MINK1: variants seen among roughly 807,000 people sequenced by gnomAD.
MINK1 encodes the protein misshapen like kinase 1.
Under a neutral mutation model 178.4 loss-of-function variants are expected in MINK1, and 46 were observed. That is an observed-to-expected ratio of 0.26 (90% CI 0.20 to 0.33). The LOEUF (loss-of-function observed/expected upper bound fraction) is 0.33. Ranked by LOEUF, MINK1 falls within the 10% of genes least tolerant of loss-of-function variation. The pLI is 1.00. For missense variants in MINK1, 1,366 were observed against 1,814.9 expected (o/e 0.75, Z 4.49); for synonymous variants, 797 against 709.7 (o/e 1.12, Z -1.96).
chr17:4,871,080 T>C (rs1434362752), intron 1 of MINK1: 7 of 371,360 alleles, frequency 1.9e-5, no homozygotes, highest in South Asian at 1.3e-4. Context: ...ATATGTGGCC[T>C]TTTGTGACTA....
intron 4 of MINK1, among the ~76,000 whole-genome samples, 187 bp from the exon 5 acceptor site, chr17:4,884,176 C>G (rs1597525240): frequency 6.6e-6 from 1 of 152,024 alleles, no homozygotes; most frequent in East Asian, 1.9e-4. Context: ...CTTTTTCCCT[C>G]TCTGTCTTGA....
chr17:4,833,428 G>T lies in MINK1; in HGVS notation c.-156G>T. On this transcript the variant is annotated 5_prime_UTR_variant, in exon 1 of 32. Transcript: ENST00000355280. This position sits in a 1 kb window ranked among gnomAD's most constrained non-coding sequence, Gnocchi z 4.8. ...GATAGCGCCTGTCAGTCGGTGGGTC[G>T]GTCCTCGCGCCGGCCCTCCCCCTCC... 1.7e-6 allele frequency: 1 copy of T among 573,236 alleles called. No individual in the cohort carries two copies. Among genetic ancestry groups the T allele is most frequent in the Non-Finnish European group, 3.0e-6 (1 of 333,556 alleles). 35.5% of individuals were successfully genotyped at this position (573,236 alleles called of 1,614,324 possible). A position where few individuals can be genotyped will look rare whatever the true frequency, so the allele number is the denominator to read the frequency against.
chr17:4,882,600 C>T lies in MINK1; in HGVS notation c.306+1343C>T, dbSNP rs181983042. Among the ~76,000 whole-genome samples the T allele has an allele frequency of 9.2e-5, 14 of 152,342 alleles. No individual in the cohort carries two copies. The East Asian group carries it at 2.1e-3, about 23-fold the overall frequency. ...TAAGTCAGGGACTGGCAAACTTCTT[C>T]TGTGAAGGGCCAGATGGTAAATATT... On this transcript the variant is annotated intron_variant, in intron 4 of 31. Coordinates refer to ENST00000355280, the MANE Select transcript of MINK1 (RefSeq NM_153827.5).
chr17:4,886,422 C>G lies in MINK1; in HGVS notation c.774-29C>G. On this transcript the variant is annotated intron_variant, in intron 9 of 31. Coordinates refer to ENST00000355280, the MANE Select transcript of MINK1 (RefSeq NM_153827.5). The surrounding 1 kb of genome is among the most constrained non-coding windows in gnomAD (Gnocchi z 6.1). ...TGCACCCATCCCTTCTGAGGGGACCCTCCCAGTGTGAGCCACCACTGTTTC... is the reference window on the plus strand; with the variant it reads ...TGCACCCATCCCTTCTGAGGGGACCGTCCCAGTGTGAGCCACCACTGTTTC... The G allele has an allele frequency of 6.3e-7, 1 of 1,584,862 alleles. No individual in the cohort carries two copies.
chr17:4,896,225 G>A lies in MINK1; in HGVS notation c.3498G>A (p.Leu1166=). ...SFADLPHRPL[L]VDLTVEEGQR... ...CCGACCTCCCCCACCGCCCTCTGCT[G>A]GTCGACCTGACAGTAGAGGAGGGGC... Residue 1166 remains leucine (L), a synonymous_variant, in exon 29 of 32, where the codon CTG becomes CTA. Coordinates refer to ENST00000355280, the MANE Select transcript of MINK1 (RefSeq NM_153827.5). This position sits in a 1 kb window ranked among gnomAD's most constrained non-coding sequence, Gnocchi z 4.6. 2 of 1,602,234 alleles carry A rather than the reference G, an allele frequency of 1.2e-6. No individual in the cohort carries two copies. The highest frequency in any genetic ancestry group is 1.7e-6 in the Non-Finnish European group (2 of 1,173,644).
chr17:4,871,181 A>AT (rs148817521), intron 1 of MINK1: 4,319 of 134,800 alleles, frequency 0.032, 72 homozygotes, highest in Non-Finnish European at 0.042. Flanking sequence ...GTTTGTTTTA[A>AT]TTTTTTTTTT....
intron 1 of MINK1, among the ~76,000 whole-genome samples, chr17:4,862,232 C>T (rs1160302750): frequency 2.0e-5 from 3 of 152,196 alleles, no homozygotes; most frequent in East Asian, 1.9e-4. Context: ...TGCATTCAAA[C>T]CCTGGCTCTG....
chr17:4,833,513 C>A lies in MINK1; in HGVS notation c.-71C>A. ...CCGGGGTTCTCCGATGGGGGAGAAG[C>A]GGCGACGGCGGCAGTGGAGTAACCG... On this transcript the variant is annotated 5_prime_UTR_variant, in exon 1 of 32. Transcript: ENST00000355280. The surrounding 1 kb of genome is among the most constrained non-coding windows in gnomAD (Gnocchi z 4.8). 7.6e-7 allele frequency: 1 copy of A among 1,309,278 alleles called. No homozygotes were observed. 81.1% of individuals were successfully genotyped at this position (1,309,278 alleles called of 1,614,324 possible).
rs566478003 is a variant in MINK1 at position 4,855,784 on chromosome 17, A to G, written c.57+22144A>G. 5.5e-3 allele frequency among the ~76,000 whole-genome samples: 827 copies of G among 150,502 alleles called. 6 individuals are homozygous for G. Among genetic ancestry groups the G allele is most frequent in the Non-Finnish European group, 9.3e-3 (631 of 67,542 alleles). On this transcript the variant is annotated intron_variant, in intron 1 of 31. Coordinates refer to ENST00000355280, the MANE Select transcript of MINK1 (RefSeq NM_153827.5). Reference sequence around the variant, plus strand: ...GACTCCGTCTCAAAAAAAAAAAAAAAAAAGAAAGAAACCCCATCTCTACTA... The same window carrying G: ...GACTCCGTCTCAAAAAAAAAAAAAAGAAAGAAAGAAACCCCATCTCTACTA...
chr17:4,891,181 CAG>C, intron 15 of MINK1, 57 bp downstream of exon 15: 1 of 1,355,174 alleles, frequency 7.4e-7, no homozygotes, highest in Non-Finnish European at 9.9e-7. Flanking sequence ...GTTCAGAGCA[CAG>C]GTACACACAC....
chr17:4,884,302 C>A, intron 4 of MINK1, 61 bp from the exon 5 acceptor site: 1 of 1,317,498 alleles, frequency 7.6e-7, no homozygotes, highest in Non-Finnish European at 1.1e-6. Context: ...GGGATTGGGG[C>A]AGGGGTGGGA....
chr17:4,864,158 G>A (rs1325522691), intron 1 of MINK1, among the ~76,000 whole-genome samples: 4 of 151,990 alleles, frequency 2.6e-5, no homozygotes, highest in Non-Finnish European at 5.9e-5. Context: ...CCGGCACTTT[G>A]GGAGGCTGAG....
chr17:4,884,875 A>C, intron 5 of MINK1, 37 bp from the exon 6 acceptor site: 4 of 1,593,134 alleles, frequency 2.5e-6, no homozygotes, highest in Non-Finnish European at 3.4e-6. Context: ...TACCCCATCC[A>C]ACACCATGGC....
In MINK1 at chr17:4,896,438, C is replaced by G. The variant is rs745374936; in HGVS notation, c.3625C>G (p.Gln1209Glu). Residue 1209 changes from glutamine (Q) to glutamate (E), a missense_variant, in exon 30 of 32, where the codon CAG becomes GAG. This residue lies in a region of MINK1 where 201 missense variants were observed against 240.7 expected (regional missense o/e 0.84). Coordinates refer to ENST00000355280, the MANE Select transcript of MINK1 (RefSeq NM_153827.5). This position sits in a 1 kb window ranked among gnomAD's most constrained non-coding sequence, Gnocchi z 4.6. The part of the protein sequence containing the change: ...DIYIPVHIQS[Q>E]ITPHAIIFLP... ...CCCTCCTTCTCCCCAGATCCAGAGCCAGATCACGCCCCATGCCATCATCTT... is the reference window on the plus strand; with the variant it reads ...CCCTCCTTCTCCCCAGATCCAGAGCGAGATCACGCCCCATGCCATCATCTT... The G allele has an allele frequency of 1.9e-6, 3 of 1,613,874 alleles. No homozygotes were observed. In the South Asian group the frequency reaches 3.3e-5, roughly 18 times the overall value.
At chr17:4,857,301 C>A in intron 1 of MINK1, 1 of 188,760 alleles carries the variant, frequency 5.3e-6, no homozygotes, top group Non-Finnish European at 1.1e-5. Context: ...AGCACCCAGG[C>A]CACTGGAGAC....
rs1969174564 is a variant in MINK1 at position 4,894,121 on chromosome 17, T to G, written c.2670+28T>G. On this transcript the variant is annotated intron_variant, in intron 22 of 31. Transcript: ENST00000355280. The surrounding 1 kb of genome is among the most constrained non-coding windows in gnomAD (Gnocchi z 4.1). Reference sequence around the variant, plus strand: ...GAGTGAGCCTCTGCTCCCTCCCCTGTACCTGTGTGTGCCCTCCTCAGCCCC... The same window carrying G: ...GAGTGAGCCTCTGCTCCCTCCCCTGGACCTGTGTGTGCCCTCCTCAGCCCC... The G allele has an allele frequency of 6.2e-7, 1 of 1,607,912 alleles. No individual in the cohort carries two copies. The highest frequency in any genetic ancestry group is 1.3e-5 in the African/African-American group (1 of 74,736).
chr17:4,888,482 A>G (rs892338966), intron 12 of MINK1, among the ~76,000 whole-genome samples: 4 of 151,526 alleles, frequency 2.6e-5, no homozygotes, highest in Non-Finnish European at 4.4e-5. Flanking sequence ...CTAAAAATAC[A>G]CAAATTAGCC....
chr17:4,849,748 T>C (rs1911635540), intron 1 of MINK1, among the ~76,000 whole-genome samples: 1 of 152,088 alleles, frequency 6.6e-6, no homozygotes, highest in Admixed American at 6.6e-5. Context: ...ATTTTTTGTA[T>C]GTTTAGTAGA....
chr17:4,879,608 G>T (rs756280192), intron 2 of MINK1, among the ~76,000 whole-genome samples: 4 of 152,208 alleles, frequency 2.6e-5, no homozygotes, highest in African/African-American at 9.6e-5. Flanking sequence ...CCCATGAGGG[G>T]CCACCTTCCT....
Sources: gnomAD v4.1 joint callset for allele counts (sites outside exome capture counted in the v4.1 genomes callset) on GRCh38, gnomAD v4.1.1 for gene constraint, gnomAD v4.1.1 regional missense constraint, Gnocchi (gnomAD v3.1) non-coding constraint, MANE v1.5 for transcripts, NCBI Gene and HGNC (gene_info 2026-07-23, HGNC 2026-07-21) for gene names.